The following TMEM244 variants were observed in gnomAD, a reference collection of about 807,000 sequenced individuals.
The protein encoded by TMEM244 is putative transmembrane protein 244.
TMEM244 carries 13 observed loss-of-function variants against 15.8 expected under a neutral mutation model. That is an observed-to-expected ratio of 0.82 (90% CI 0.53 to 1.30). TMEM244 has a LOEUF of 1.30. Among genes scored for constraint, TMEM244 ranks in the 50% most tolerant of loss-of-function variants. TMEM244 has a pLI of 0.00. For missense variants in TMEM244, 161 were observed against 144.9 expected (o/e 1.11, Z -0.57); for synonymous variants, 45 against 48.7 (o/e 0.92, Z 0.32).
At chr6:129,837,231 A>G (rs1187744920) in intron 3 of TMEM244, among the ~76,000 whole-genome samples, 1 of 152,266 alleles carries the variant, frequency 6.6e-6, no homozygotes, top group Admixed American at 6.5e-5. Context: ...ATCTCTTGGC[A>G]GAAACCCTAC....
chr6:129,857,843 CATATATAT>C (rs1776738148), intron 1 of TMEM244, among the ~76,000 whole-genome samples: 1 of 147,874 alleles, frequency 6.8e-6, no homozygotes. Context: ...TATATATGTA[CATATATAT>C]GTATATATAT....
intron 3 of TMEM244, among the ~76,000 whole-genome samples, chr6:129,835,876 T>C (rs1315701966): frequency 6.6e-6 from 1 of 152,114 alleles, no homozygotes; most frequent in African/African-American, 2.4e-5. Flanking sequence ...TGCTGAGGCT[T>C]GAGTAGCTCA....
chr6:129,855,517 T>A (rs1366197824), intron 1 of TMEM244, among the ~76,000 whole-genome samples: 1 of 152,164 alleles, frequency 6.6e-6, no homozygotes, highest in Non-Finnish European at 1.5e-5. Context: ...ACACAATAAA[T>A]CCTACACGGA....
At chr6:129,844,807 T>C (rs530770947) in intron 2 of TMEM244, among the ~76,000 whole-genome samples, 57 of 152,370 alleles carry the variant, frequency 3.7e-4, no homozygotes, top group African/African-American at 1.4e-3. Flanking sequence ...GCAAGCATGC[T>C]GAATAACATT....
intron 4 of TMEM244, among the ~76,000 whole-genome samples, chr6:129,832,527 C>G (rs1776343185): frequency 6.6e-6 from 1 of 152,072 alleles, no homozygotes; most frequent in Admixed American, 6.5e-5. Context: ...GACTGACATG[C>G]TTTAAAAAAA....
At chr6:129,850,640 T>A (rs1776625712) in intron 1 of TMEM244, among the ~76,000 whole-genome samples, 1 of 152,220 alleles carries the variant, frequency 6.6e-6, no homozygotes, top group Admixed American at 6.5e-5. Flanking sequence ...TAATTTAAAA[T>A]TTTTTAATAG....
At chr6:129,854,663 C>A (rs1187726832) in intron 1 of TMEM244, among the ~76,000 whole-genome samples, 1 of 152,116 alleles carries the variant, frequency 6.6e-6, no homozygotes, top group Non-Finnish European at 1.5e-5. Context: ...GAAAGAGGTA[C>A]AATTGTATAT....
chr6:129,845,937 G>A (rs1776555303), intron 1 of TMEM244, 85 bp from the exon 2 acceptor site: 2 of 887,914 alleles, frequency 2.3e-6, no homozygotes, highest in African/African-American at 1.7e-5. Flanking sequence ...GATGATGAAT[G>A]ATTACTAGAT....
chr6:129,831,615 C>T (rs997157294), intron 4 of TMEM244, among the ~76,000 whole-genome samples: 2 of 152,154 alleles, frequency 1.3e-5, no homozygotes, highest in Non-Finnish European at 2.9e-5. Flanking sequence ...TTGTGAGGTT[C>T]TCAGATCAGC....
At chr6:129,839,128 A>G (rs1255667311) in intron 3 of TMEM244, among the ~76,000 whole-genome samples, 1 of 152,166 alleles carries the variant, frequency 6.6e-6, no homozygotes, top group Non-Finnish European at 1.5e-5. Flanking sequence ...ACAACAGAAA[A>G]GGAGAACTTC....
rs4470873 is a variant in TMEM244 at position 129,835,975 on chromosome 6, T to A, written c.194-2390A>T. Among the ~76,000 whole-genome samples, 289 of 152,062 alleles carry A rather than the reference T, an allele frequency of 1.9e-3. 1 individual carries two copies. The highest frequency in any genetic ancestry group is 6.6e-3 in the African/African-American group (274 of 41,470). ...TACTGCCTCTATAGATTCTACCTCT[T>A]GGGGTAGGGCATAGTAGAACAAAAG... On this transcript the variant is annotated intron_variant, in intron 3 of 4. Coordinates refer to ENST00000368143, the MANE Select transcript of TMEM244 (RefSeq NM_001010876.2).
intron 1 of TMEM244, among the ~76,000 whole-genome samples, chr6:129,854,656 A>T (rs1171589028): frequency 6.6e-6 from 1 of 152,230 alleles, no homozygotes; most frequent in Non-Finnish European, 1.5e-5. Context: ...AGTCACTGAA[A>T]GAGGTACAAT....
intron 1 of TMEM244, among the ~76,000 whole-genome samples, chr6:129,849,359 G>A (rs970491011): frequency 2.2e-5 from 3 of 134,638 alleles, no homozygotes; most frequent in Admixed American, 7.2e-5. Context: ...TTTCTTCCTC[G>A]AATCTACACC....
At chr6:129,837,905 C>T (rs1776432190) in intron 3 of TMEM244, among the ~76,000 whole-genome samples, 1 of 152,136 alleles carries the variant, frequency 6.6e-6, no homozygotes, top group African/African-American at 2.4e-5. Context: ...AATATAGGAG[C>T]ATTCGGATTA....
Position 129,861,236 on chromosome 6 carries a change from C to T in TMEM244, c.-48G>A, listed in dbSNP as rs201597557. ...GTGATGAAAGCCCCACTCCTTATAG[C>T]GATGACATCTGGAAGAAGACACAAT... is the stretch of plus-strand genomic sequence containing the variant. On this transcript the variant is annotated 5_prime_UTR_variant, in exon 1 of 5. Coordinates refer to ENST00000368143, the MANE Select transcript of TMEM244 (RefSeq NM_001010876.2). 3.3e-4 allele frequency: 532 copies of T among 1,604,774 alleles called. 1 individual carries two copies. In the African/African-American group the frequency reaches 6.2e-3, roughly 19 times the overall value.
At chr6:129,845,083 A>G (rs550061428) in intron 2 of TMEM244, among the ~76,000 whole-genome samples, 2 of 152,378 alleles carry the variant, frequency 1.3e-5, no homozygotes, top group South Asian at 4.1e-4. Flanking sequence ...AAATGATACC[A>G]TTAAAATACA....
At chr6:129,835,737 A>G (rs1776395563) in intron 3 of TMEM244, among the ~76,000 whole-genome samples, 1 of 152,242 alleles carries the variant, frequency 6.6e-6, no homozygotes, top group South Asian at 2.1e-4. Context: ...AGCAACCGTC[A>G]GACCAGGAGA....
chr6:129,846,158 T>C (rs1445611153), intron 1 of TMEM244, among the ~76,000 whole-genome samples: 1 of 152,236 alleles, frequency 6.6e-6, no homozygotes, highest in Non-Finnish European at 1.5e-5. Context: ...ATTGCTTTCA[T>C]TTCAATCCAA....
chr6:129,839,589 C>A (rs1467271078), intron 3 of TMEM244, among the ~76,000 whole-genome samples: 1 of 152,108 alleles, frequency 6.6e-6, no homozygotes, highest in African/African-American at 2.4e-5. Flanking sequence ...GGCAATCAGG[C>A]AAGAGAAAGA....
Sources: gnomAD v4.1 joint callset for allele counts (sites outside exome capture counted in the v4.1 genomes callset) on GRCh38, gnomAD v4.1.1 for gene constraint, MANE v1.5 for transcripts, NCBI Gene and HGNC (gene_info 2026-07-23, HGNC 2026-07-21) for gene names.